SGCD: variants seen among roughly 807,000 people sequenced by gnomAD.
SGCD encodes the protein sarcoglycan delta.
Under a neutral mutation model 36.6 loss-of-function variants are expected in SGCD, and 18 were observed. That is an observed-to-expected ratio of 0.49 (90% confidence interval 0.34 to 0.73). SGCD has a LOEUF of 0.73. Among genes scored for constraint, SGCD ranks in the 30% least tolerant of loss-of-function variants. The pLI is 0.01. For missense variants in SGCD, 387 were observed against 346.7 expected (o/e 1.12, Z -0.92); for synonymous variants, 133 against 130.6 (o/e 1.02, Z -0.12).
intron 7 of SGCD, among the ~76,000 whole-genome samples, chr5:156,697,831 G>A (rs150132392): frequency 7.3e-4 from 111 of 152,080 alleles, no homozygotes; most frequent in African/African-American, 2.5e-3. Context: ...ACAGACTGAC[G>A]GATACATGCA....
intron 1 of SGCD, among the ~76,000 whole-genome samples, chr5:155,942,692 A>C (rs4704880): frequency 6.6e-6 from 1 of 150,540 alleles, no homozygotes; most frequent in African/African-American, 2.5e-5. Context: ...ACAGAAACAG[A>C]TTTCAGAGGA....
chr5:156,061,335 A>G (rs921826443), intron 1 of SGCD, among the ~76,000 whole-genome samples: 1 of 146,158 alleles, frequency 6.8e-6, no homozygotes, highest in African/African-American at 2.5e-5. Context: ...GACAAAAGAA[A>G]CAGAGACAGG....
the SGCD span, among the ~76,000 whole-genome samples, chr5:155,856,696 G>C: frequency 6.6e-6 from 1 of 151,964 alleles, no homozygotes; most frequent in African/African-American, 2.4e-5. Flanking sequence ...AAAAGATTTG[G>C]ACAAACACTT....
intron 3 of SGCD, among the ~76,000 whole-genome samples, chr5:156,437,809 A>G (rs1404637144): frequency 1.3e-5 from 2 of 152,138 alleles, no homozygotes; most frequent in Non-Finnish European, 2.9e-5. Flanking sequence ...GAAAATATAT[A>G]TGTGTTTTTT....
At chr5:155,971,082 G>A (rs1036476537) in intron 1 of SGCD, among the ~76,000 whole-genome samples, 2 of 152,150 alleles carry the variant, frequency 1.3e-5, no homozygotes, top group Non-Finnish European at 2.9e-5. Flanking sequence ...AAAGATAGCA[G>A]AGCTTATGAA....
At chr5:156,741,114 C>T (rs77874832) in intron 7 of SGCD, among the ~76,000 whole-genome samples, 2,603 of 152,138 alleles carry the variant, frequency 0.017, 71 homozygotes, top group African/African-American at 0.059. Context: ...TTCTGAAGGT[C>T]GCTCCCCAAA....
In SGCD at chr5:156,076,207, G is replaced by A. The variant is rs55838460; in HGVS notation, c.-281-41671G>A. Among the ~76,000 whole-genome samples the A allele has an allele frequency of 1.5e-3, 228 of 151,898 alleles. 1 individual carries two copies. Among genetic ancestry groups the A allele is most frequent in the South Asian group, 2.5e-3 (12 of 4,790 alleles). On this transcript the variant is annotated intron_variant, in intron 1 of 9. Coordinates refer to the SGCD transcript ENST00000517913. Reference sequence around the variant, plus strand: ...TGCTCTGGTTGCTTCAAAATTCACAGGTTTCTTTTTGTATGTTGTCTTCCT... The same window carrying A: ...TGCTCTGGTTGCTTCAAAATTCACAAGTTTCTTTTTGTATGTTGTCTTCCT...
intron 1 of SGCD, among the ~76,000 whole-genome samples, chr5:155,973,925 G>A (rs190801721): frequency 1.2e-4 from 18 of 152,154 alleles, no homozygotes; most frequent in African/African-American, 4.1e-4. Flanking sequence ...GTATGGTCTG[G>A]CCTCCAATGT....
At chr5:156,512,277 T>C (rs945450296) in intron 4 of SGCD, among the ~76,000 whole-genome samples, 5 of 152,200 alleles carry the variant, frequency 3.3e-5, no homozygotes. Flanking sequence ...AAACCATACC[T>C]TGAATACTAT....
At chr5:156,690,359 G>A (rs1754062626) in intron 7 of SGCD, among the ~76,000 whole-genome samples, 1 of 152,192 alleles carries the variant, frequency 6.6e-6, no homozygotes, top group Non-Finnish European at 1.5e-5. Context: ...TAAAACAACA[G>A]TGGGACTCCA....
chr5:156,674,913 C>G (rs555816441), intron 7 of SGCD, among the ~76,000 whole-genome samples: 1 of 152,238 alleles, frequency 6.6e-6, no homozygotes, highest in South Asian at 2.1e-4. Context: ...CAGAATGGGA[C>G]GCAGTGACTT....
At chr5:155,812,507 T>A in the SGCD span, among the ~76,000 whole-genome samples, 1 of 152,206 alleles carries the variant, frequency 6.6e-6, no homozygotes, top group Non-Finnish European at 1.5e-5. Flanking sequence ...GGGGTCTCCC[T>A]ACACTTAGTT....
intron 6 of SGCD, among the ~76,000 whole-genome samples, chr5:156,611,634 T>A (rs1761816147): frequency 6.6e-6 from 1 of 152,232 alleles, no homozygotes; most frequent in South Asian, 2.1e-4. Context: ...TTTGTAGACG[T>A]GGCGAGTTTT....
chr5:156,358,029 T>G (rs2127727948), intron 3 of SGCD, among the ~76,000 whole-genome samples: 1 of 152,336 alleles, frequency 6.6e-6, no homozygotes, highest in East Asian at 1.9e-4. Flanking sequence ...TCATCCAGTT[T>G]GGATTGGCCG....
chr5:155,965,764 A>G (rs774839061), intron 1 of SGCD, among the ~76,000 whole-genome samples: 3 of 151,852 alleles, frequency 2.0e-5, no homozygotes, highest in Non-Finnish European at 4.4e-5. Flanking sequence ...TATCTCCTTT[A>G]CTCAATAAAT....
At chr5:156,355,646 T>C (rs750118394) in intron 3 of SGCD, among the ~76,000 whole-genome samples, 2 of 152,160 alleles carry the variant, frequency 1.3e-5, no homozygotes, top group Non-Finnish European at 2.9e-5. Flanking sequence ...ATAATTTTTG[T>C]TTTTCTGTGA....
At chr5:156,247,470 G>T (rs1765466629) in intron 3 of SGCD, among the ~76,000 whole-genome samples, 1 of 152,176 alleles carries the variant, frequency 6.6e-6, no homozygotes, top group Admixed American at 6.5e-5. Flanking sequence ...AGAATGTAGG[G>T]AAACCAGGTG....
chr5:156,047,986 A>C (rs11949606), intron 1 of SGCD, among the ~76,000 whole-genome samples: 76,405 of 151,694 alleles, frequency 0.5, 23,527 homozygotes, highest in African/African-American at 0.87. Flanking sequence ...CCTCACCCCA[A>C]AACAGGCCCC....
intron 1 of SGCD, among the ~76,000 whole-genome samples, chr5:155,977,959 T>TG (rs1174414883): frequency 3.9e-5 from 6 of 152,164 alleles, no homozygotes; most frequent in African/African-American, 1.4e-4. Flanking sequence ...CTGGACGTGG[T>TG]GGTGCATGCC....
Sources: allele counts gnomAD v4.1 joint callset (sites outside exome capture counted in the v4.1 genomes callset), GRCh38; gene constraint gnomAD v4.1.1; transcripts MANE v1.5; gene names NCBI Gene and HGNC (gene_info 2026-07-23, HGNC 2026-07-21).